The following ZFHX3 variants were observed in gnomAD, a reference collection of about 807,000 sequenced individuals.
ZFHX3 encodes the protein zinc finger homeobox protein 3.
ZFHX3 carries 42 observed loss-of-function variants against 279.1 expected under a neutral mutation model. That is an observed-to-expected ratio of 0.15 (90% CI 0.12 to 0.19). The LOEUF is 0.19. Among genes scored for constraint, ZFHX3 ranks in the 10% least tolerant of loss-of-function variants. The pLI is 1.00. For synonymous variants in ZFHX3, 2,293 were observed against 1,957.8 expected (o/e 1.17, Z -4.52); for missense variants, 4,981 against 4,754.0 (o/e 1.05, Z -1.40).
intron 3 of ZFHX3, among the ~76,000 whole-genome samples, chr16:72,939,034 G>A (rs1419531486): frequency 1.3e-5 from 2 of 149,576 alleles, no homozygotes; most frequent in African/African-American, 2.5e-5. Flanking sequence ...TGGGACCCGC[G>A]CCACTTGGCC....
intron 2 of ZFHX3, among the ~76,000 whole-genome samples, chr16:73,570,297 GC>G (rs2051720234): frequency 6.6e-6 from 1 of 152,136 alleles, no homozygotes; most frequent in African/African-American, 2.4e-5. Context: ...TTTCTGCTTT[GC>G]AACTTTCATC....
chr16:72,909,926 A>G (rs1355264671), intron 3 of ZFHX3, among the ~76,000 whole-genome samples: 1 of 151,738 alleles, frequency 6.6e-6, no homozygotes, highest in Non-Finnish European at 1.5e-5. Flanking sequence ...TGCAAACTTC[A>G]TATGCAAATA....
intron 1 of ZFHX3, among the ~76,000 whole-genome samples, chr16:73,742,568 T>C (rs2053668742): frequency 6.6e-6 from 1 of 152,178 alleles, no homozygotes; most frequent in Non-Finnish European, 1.5e-5. Flanking sequence ...CAAAGACTTC[T>C]TGGAGGGGTG....
chr16:73,608,581 T>G (rs1597025532), intron 2 of ZFHX3: 2 of 152,368 alleles, frequency 1.3e-5, no homozygotes, highest in South Asian at 4.1e-4. Flanking sequence ...TATTTATTAA[T>G]GCTTTTATTC....
intron 4 of ZFHX3, among the ~76,000 whole-genome samples, chr16:73,315,414 C>T (rs1012239365): frequency 1.3e-5 from 2 of 152,064 alleles, no homozygotes; most frequent in Non-Finnish European, 2.9e-5. Flanking sequence ...CTATACCTCT[C>T]GCTGATAGGA....
chr16:73,451,304 T>C (rs1388993489), intron 3 of ZFHX3, among the ~76,000 whole-genome samples: 2 of 152,220 alleles, frequency 1.3e-5, no homozygotes, highest in African/African-American at 4.8e-5. Context: ...TGCTTTACAA[T>C]GAAGGGCAAC....
At chr16:73,497,779 G>C (rs564802120) in intron 2 of ZFHX3, among the ~76,000 whole-genome samples, 2 of 152,314 alleles carry the variant, frequency 1.3e-5, no homozygotes, top group African/African-American at 4.8e-5. Flanking sequence ...GTAGAAAAAG[G>C]TGGAGTTCTT....
intron 4 of ZFHX3, among the ~76,000 whole-genome samples, chr16:73,277,723 C>T (rs955173033): frequency 6.6e-6 from 1 of 152,248 alleles, no homozygotes; most frequent in South Asian, 2.1e-4. Context: ...AGTCCATTCT[C>T]GCATTGCTAT....
intron 8 of ZFHX3, among the ~76,000 whole-genome samples, chr16:73,086,918 A>G (rs1966017349): frequency 6.6e-6 from 1 of 152,048 alleles, no homozygotes; most frequent in African/African-American, 2.4e-5. Context: ...ACAAAACAAA[A>G]CAGAAAACCA....
rs76487626 is a variant in ZFHX3, at chr16:73,558,045, C to T, written c.-1546-101787G>A. Among the ~76,000 whole-genome samples, 859 of 152,238 alleles carry T rather than the reference C, an allele frequency of 5.6e-3. 4 individuals carry two copies. The highest frequency in any genetic ancestry group is 9.2e-3 in the Non-Finnish European group (629 of 68,016). ...GGTCCCGAATGGGCCTTCCCTCCTT[C>T]GGAAATCTAGCAGAGTTAAAGGAAG... is the stretch of plus-strand genomic sequence containing the variant. On this transcript the variant is annotated intron_variant, in intron 2 of 17. Transcript: ENST00000641206.
At chr16:73,280,094 T>C (rs989849970) in intron 4 of ZFHX3, among the ~76,000 whole-genome samples, 1 of 152,202 alleles carries the variant, frequency 6.6e-6, no homozygotes, top group African/African-American at 2.4e-5. Context: ...TGGACCCCTG[T>C]TGGACACCAT....
At chr16:72,996,905 C>T (rs963176973) in intron 1 of ZFHX3, among the ~76,000 whole-genome samples, 1 of 152,202 alleles carries the variant, frequency 6.6e-6, no homozygotes, top group Non-Finnish European at 1.5e-5. Flanking sequence ...CTAGGTATTA[C>T]TACTGACAAC....
At chr16:73,035,180 A>G (rs972900001) in intron 1 of ZFHX3, among the ~76,000 whole-genome samples, 2 of 152,232 alleles carry the variant, frequency 1.3e-5, no homozygotes, top group Admixed American at 6.5e-5. Flanking sequence ...AAAATATCTC[A>G]TTAATAGTTT....
chr16:72,869,181 C>T (rs1415982952), intron 4 of ZFHX3, among the ~76,000 whole-genome samples: 1 of 152,170 alleles, frequency 6.6e-6, no homozygotes, highest in Non-Finnish European at 1.5e-5. Context: ...AATGCTATTA[C>T]CAGGCCTTAC....
chr16:73,636,942 G>A (rs1228124440), intron 2 of ZFHX3, among the ~76,000 whole-genome samples: 1 of 151,840 alleles, frequency 6.6e-6, no homozygotes, highest in Non-Finnish European at 1.5e-5. Flanking sequence ...AAAATACACA[G>A]GTTTGCCAGA....
At chr16:73,038,561 C>T (rs1007713360) in intron 1 of ZFHX3, among the ~76,000 whole-genome samples, 3 of 152,220 alleles carry the variant, frequency 2.0e-5, no homozygotes, top group African/African-American at 7.2e-5. Context: ...GAGACCAGAA[C>T]ATCATGGTGA....
At chr16:73,536,112 A>G (rs2143738512) in intron 2 of ZFHX3, among the ~76,000 whole-genome samples, 2 of 152,248 alleles carry the variant, frequency 1.3e-5, no homozygotes, top group East Asian at 3.9e-4. Flanking sequence ...AGCATATATT[A>G]TGCTTAGTTG....
At chr16:73,645,621 T>C (rs2052611961) in intron 2 of ZFHX3, among the ~76,000 whole-genome samples, 1 of 152,238 alleles carries the variant, frequency 6.6e-6, no homozygotes. Context: ...ATTATACATA[T>C]GTCATGTTTC....
chr16:73,657,031 C>T (rs774855165), intron 2 of ZFHX3, among the ~76,000 whole-genome samples: 17 of 152,168 alleles, frequency 1.1e-4, no homozygotes, highest in Non-Finnish European at 2.4e-4. Context: ...ACAAGTTTTC[C>T]TTTTTAAAAG....
Sources: gnomAD v4.1 joint callset for allele counts (sites outside exome capture counted in the v4.1 genomes callset) on GRCh38, gnomAD v4.1.1 for gene constraint, MANE v1.5 for transcripts, NCBI Gene and HGNC (gene_info 2026-07-23, HGNC 2026-07-21) for gene names.